Variants in MED13 observed in about 807,000 individuals in gnomAD.
MED13 encodes the protein mediator complex subunit 13.
Under a neutral mutation model 225.2 loss-of-function variants are expected in MED13, and 23 were observed. The ratio of observed to expected loss-of-function variants is 0.10; its 90% CI spans 0.07 to 0.14. MED13 has a LOEUF of 0.14. Ranked by LOEUF, MED13 falls within the 10% of genes least tolerant of loss-of-function variation. The pLI is 1.00. For missense variants in MED13, 2,197 were observed against 2,594.5 expected (o/e 0.85, Z 3.33); for synonymous variants, 942 against 889.2 (o/e 1.06, Z -1.06).
intron 23 of MED13, among the ~76,000 whole-genome samples, chr17:61,956,872 G>C (rs72843769): frequency 0.067 from 10,254 of 152,072 alleles, 589 homozygotes; most frequent in South Asian, 0.31. Context: ...GTGAAAAACA[G>C]ATCTCCTTAA....
intron 11 of MED13, among the ~76,000 whole-genome samples, chr17:61,991,247 TA>T (rs747536121): frequency 6.6e-6 from 1 of 152,132 alleles, no homozygotes; most frequent in East Asian, 1.9e-4. Flanking sequence ...GCCTCCCAAG[TA>T]GCTGGGATTA....
chr17:61,968,821 G>A (rs529435707), intron 17 of MED13, among the ~76,000 whole-genome samples: 183 of 152,160 alleles, frequency 1.2e-3, no homozygotes, highest in South Asian at 7.0e-3. Flanking sequence ...GAACAATCAC[G>A]CCTTACTGCA....
chr17:62,017,561 A>C (rs1266145207), intron 8 of MED13, among the ~76,000 whole-genome samples: 1 of 152,218 alleles, frequency 6.6e-6, no homozygotes, highest in Non-Finnish European at 1.5e-5. Flanking sequence ...GCATCAAAAC[A>C]GTATCTGACT....
intron 9 of MED13, among the ~76,000 whole-genome samples, chr17:61,995,858 C>T (rs560387431): frequency 6.6e-6 from 1 of 151,804 alleles, no homozygotes; most frequent in East Asian, 1.9e-4. Context: ...TTTTGAAGGC[C>T]TGATTTGTGT....
At chr17:61,983,264 T>G in intron 15 of MED13, 150 bp from the exon 16 acceptor site, 1 of 666,572 alleles carries the variant, frequency 1.5e-6, no homozygotes. Context: ...GCACAGTCAA[T>G]TCTTATTTCT....
chr17:62,064,427 C>G (rs1187684286), intron 1 of MED13, among the ~76,000 whole-genome samples: 2 of 152,126 alleles, frequency 1.3e-5, no homozygotes, highest in Non-Finnish European at 2.9e-5. Context: ...AAAAAGCAAC[C>G]AAAACACAAT....
At chr17:62,013,395 TATC>T (rs779322093) in intron 8 of MED13, among the ~76,000 whole-genome samples, 50 of 152,136 alleles carry the variant, frequency 3.3e-4, no homozygotes, top group Admixed American at 7.9e-4. Context: ...AAGAAAAAAA[TATC>T]ATGCATCACA....
At chr17:62,022,607 C>T (rs2080660048) in intron 8 of MED13, among the ~76,000 whole-genome samples, 1 of 151,888 alleles carries the variant, frequency 6.6e-6, no homozygotes, top group South Asian at 2.1e-4. Context: ...CCACACCCAG[C>T]CACAGGAAAA....
In MED13 at chr17:62,049,761, T is replaced by C. The variant is rs568720381; in HGVS notation, c.470+2776A>G. Among the ~76,000 whole-genome samples the C allele has an allele frequency of 2.6e-5, 4 of 151,774 alleles. No individual in the cohort carries two copies. In the South Asian group the frequency reaches 6.2e-4, roughly 24 times the overall value. ...CCTGGCTACATGGTGAAACCCCATC[T>C]CTACTAAAAATACAAAAAATTAGCT... On this transcript the variant is annotated intron_variant, in intron 3 of 29. Transcript: ENST00000397786.
At chr17:62,051,327 G>A (rs2080954867) in intron 3 of MED13, among the ~76,000 whole-genome samples, 1 of 152,186 alleles carries the variant, frequency 6.6e-6, no homozygotes, top group Non-Finnish European at 1.5e-5. Flanking sequence ...GGAGGACCAT[G>A]AAGATGTAAA....
chr17:62,044,739 T>G (rs555103022), intron 3 of MED13, among the ~76,000 whole-genome samples: 30 of 152,332 alleles, frequency 2.0e-4, no homozygotes, highest in African/African-American at 4.8e-5. Flanking sequence ...CTCTGCTCAC[T>G]GCAACCTCCA....
intron 2 of MED13, among the ~76,000 whole-genome samples, chr17:62,061,575 G>A (rs2081039487): frequency 6.6e-6 from 1 of 152,048 alleles, no homozygotes; most frequent in South Asian, 2.1e-4. Context: ...ATAGTTTATA[G>A]TTTTTCAACA....
At chr17:61,957,655 C>CT (rs893471165) in intron 23 of MED13, among the ~76,000 whole-genome samples, 4 of 151,586 alleles carry the variant, frequency 2.6e-5, no homozygotes, top group Admixed American at 2.6e-4. Flanking sequence ...ACCCAGCAAA[C>CT]TTTTTTTAAA....
chr17:61,977,129 C>T (rs865800199), intron 16 of MED13, among the ~76,000 whole-genome samples: 1 of 152,124 alleles, frequency 6.6e-6, no homozygotes, highest in African/African-American at 2.4e-5. Flanking sequence ...AAAATCTTTG[C>T]CTTTACACAG....
intron 11 of MED13, among the ~76,000 whole-genome samples, chr17:61,989,414 T>C (rs2080276487): frequency 6.6e-6 from 1 of 152,170 alleles, no homozygotes; most frequent in African/African-American, 2.4e-5. Flanking sequence ...CGATCCTGGC[T>C]CACTGCAACC....
In MED13 at chr17:61,982,217, G is replaced by C. The variant is rs771104024; in HGVS notation, c.3786C>G (p.His1262Gln). 1 of 1,613,276 alleles carries C rather than the reference G, an allele frequency of 6.2e-7. No individual in the cohort carries two copies. The highest frequency in any genetic ancestry group is 1.1e-5 in the South Asian group (1 of 90,886). The change falls in exon 16 of 30, where the codon CAC becomes CAG. Residue 1262 changes from histidine (H) to glutamine (Q), a missense_variant. Around this residue, in one of 12 missense-constraint regions of MED13, gnomAD observed 203 missense variants for 209.7 expected, o/e 0.97. Transcript: ENST00000397786. Reference protein sequence around the residue: ...DEALVKSSCLHPWSKRNDVSM... With the variant: ...DEALVKSSCLQPWSKRNDVSM... ...CTTTACCGTTTCTTTTGGACCAGGG[G>C]TGTAAGCATGAACTTTTCACAAGTG...
At chr17:62,037,666 C>CAAA (rs964038869) in intron 3 of MED13, among the ~76,000 whole-genome samples, 3 of 63,426 alleles carry the variant, frequency 4.7e-5, no homozygotes, top group Admixed American at 2.0e-4. Context: ...GACTCCATCT[C>CAAA]AAAAAAAAAA....
At chr17:61,955,253 C>G in intron 26 of MED13, 129 bp downstream of exon 26, 1 of 724,538 alleles carries the variant, frequency 1.4e-6, no homozygotes, top group Non-Finnish European at 2.1e-6. Flanking sequence ...ATCTCAAGAT[C>G]CTTAACTTAT....
chr17:62,013,874 A>T (rs558851558), intron 8 of MED13, among the ~76,000 whole-genome samples: 31 of 152,242 alleles, frequency 2.0e-4, no homozygotes, highest in African/African-American at 7.2e-4. Flanking sequence ...CCCCGTCTCC[A>T]CTAAAAACAC....
Sources: gnomAD v4.1 joint callset for allele counts (sites outside exome capture counted in the v4.1 genomes callset) on GRCh38, gnomAD v4.1.1 for gene constraint, gnomAD v4.1.1 regional missense constraint, MANE v1.5 for transcripts, NCBI Gene and HGNC (gene_info 2026-07-23, HGNC 2026-07-21) for gene names.